EXOC4: variants seen among roughly 807,000 people sequenced by gnomAD.
EXOC4 encodes SEC8-like 1.
Under a neutral mutation model 107.2 loss-of-function variants are expected in EXOC4, and 71 were observed. The ratio of observed to expected loss-of-function variants is 0.66; its 90% CI spans 0.55 to 0.81. The LOEUF is 0.81. Among genes scored for constraint, EXOC4 ranks in the 30% least tolerant of loss-of-function variants. EXOC4 has a pLI of 0.00. For synonymous variants in EXOC4, 456 were observed against 441.2 expected, an observed-to-expected ratio of 1.03 and a Z score of -0.42; for missense variants, 1,108 against 1,189.6, an observed-to-expected ratio of 0.93 and a Z score of 1.01.
chr7:133,606,719 T>A (rs1170926832), intron 9 of EXOC4, among the ~76,000 whole-genome samples: 1 of 151,988 alleles, frequency 6.6e-6, no homozygotes, highest in Non-Finnish European at 1.5e-5. Flanking sequence ...TTTTACCATG[T>A]TGGCCAGGCT....
chr7:133,457,313 A>G (rs543131876), intron 7 of EXOC4, among the ~76,000 whole-genome samples: 18 of 152,288 alleles, frequency 1.2e-4, no homozygotes, highest in Non-Finnish European at 2.1e-4. Flanking sequence ...GAACACACAC[A>G]AAAAGACTCA....
chr7:133,930,890 TCA>T (rs771001817), intron 13 of EXOC4, among the ~76,000 whole-genome samples: 1 of 152,168 alleles, frequency 6.6e-6, no homozygotes, highest in Non-Finnish European at 1.5e-5. Context: ...CCTTGTGTAA[TCA>T]CCTAGTATAT....
At chr7:133,555,962 C>T (rs1328627119) in intron 9 of EXOC4, among the ~76,000 whole-genome samples, 1 of 152,160 alleles carries the variant, frequency 6.6e-6, no homozygotes, top group African/African-American at 2.4e-5. Flanking sequence ...TAAGTTGTTG[C>T]AGTGCAGCTT....
chr7:133,506,993 T>C (rs939514908), intron 9 of EXOC4, among the ~76,000 whole-genome samples: 4 of 152,080 alleles, frequency 2.6e-5, no homozygotes, highest in African/African-American at 9.7e-5. Flanking sequence ...TTCCTCCTAG[T>C]CAGACATTTA....
chr7:133,352,506 C>T (rs1268050461), intron 5 of EXOC4, among the ~76,000 whole-genome samples: 2 of 151,822 alleles, frequency 1.3e-5, no homozygotes, highest in African/African-American at 2.4e-5. Flanking sequence ...CTTTTTCCAG[C>T]CTTTTACTTT....
chr7:133,650,690 G>T (rs1254471598), intron 10 of EXOC4, among the ~76,000 whole-genome samples: 1 of 152,008 alleles, frequency 6.6e-6, no homozygotes, highest in Non-Finnish European at 1.5e-5. Flanking sequence ...AATAATCCTG[G>T]CCGACTTCGT....
chr7:133,685,236 G>A (rs1006722812), intron 10 of EXOC4, among the ~76,000 whole-genome samples: 1 of 152,106 alleles, frequency 6.6e-6, no homozygotes, highest in African/African-American at 2.4e-5. Context: ...ACGTGTTAAG[G>A]GAGAGACCAG....
At chr7:133,767,255 C>T (rs909188183) in intron 10 of EXOC4, among the ~76,000 whole-genome samples, 2 of 151,886 alleles carry the variant, frequency 1.3e-5, no homozygotes, top group Non-Finnish European at 2.9e-5. Flanking sequence ...TGGCTCCAGA[C>T]AGAAACGAGT....
chr7:133,857,985 C>T (rs940335810), intron 11 of EXOC4, among the ~76,000 whole-genome samples: 1 of 152,292 alleles, frequency 6.6e-6, no homozygotes, highest in East Asian at 1.9e-4. Flanking sequence ...CGCCCAACAC[C>T]AGCGGAGGGC....
chr7:133,343,488 G>C (rs1795712980), intron 5 of EXOC4, among the ~76,000 whole-genome samples: 1 of 151,962 alleles, frequency 6.6e-6, no homozygotes. Flanking sequence ...TGTTGCCTAA[G>C]CTGAATTTGA....
intron 11 of EXOC4, among the ~76,000 whole-genome samples, chr7:133,875,965 A>G (rs1255192034): frequency 1.3e-5 from 2 of 152,210 alleles, no homozygotes; most frequent in African/African-American, 4.8e-5. Context: ...CAGTCATAAC[A>G]GTATAAACTG....
chr7:133,623,675 T>A (rs1802385812), intron 9 of EXOC4, among the ~76,000 whole-genome samples: 1 of 152,200 alleles, frequency 6.6e-6, no homozygotes, highest in Admixed American at 6.5e-5. Flanking sequence ...CAGCTCACCC[T>A]TGGGTAATAC....
intron 12 of EXOC4, among the ~76,000 whole-genome samples, chr7:133,910,410 C>G (rs895065125): frequency 2.6e-5 from 4 of 152,114 alleles, no homozygotes; most frequent in African/African-American, 9.7e-5. Context: ...TTCCCTTGGT[C>G]CTCTTGGATG....
At chr7:133,970,111 A>G (rs1801168060) in intron 14 of EXOC4, among the ~76,000 whole-genome samples, 1 of 152,146 alleles carries the variant, frequency 6.6e-6, no homozygotes, top group African/African-American at 2.4e-5. Context: ...GTCTCCGTCC[A>G]GTTCAAACTT....
chr7:133,966,668 A>G (rs1215458440), intron 14 of EXOC4, among the ~76,000 whole-genome samples: 2 of 152,184 alleles, frequency 1.3e-5, no homozygotes, highest in Non-Finnish European at 2.9e-5. Flanking sequence ...CATCCCAGGG[A>G]TGAAGCCAAC....
chr7:133,421,764 A>T (rs78341021), intron 7 of EXOC4, among the ~76,000 whole-genome samples: 3 of 152,198 alleles, frequency 2.0e-5, no homozygotes, highest in Non-Finnish European at 4.4e-5. Flanking sequence ...GTACTTAAAA[A>T]TTTTTAAAAA....
chr7:133,649,057 G>A (rs1162257407), intron 10 of EXOC4, among the ~76,000 whole-genome samples: 2 of 152,090 alleles, frequency 1.3e-5, no homozygotes, highest in South Asian at 2.1e-4. Context: ...CTCATACAGG[G>A]AAAAGTCACC....
intron 7 of EXOC4, among the ~76,000 whole-genome samples, chr7:133,409,723 C>T (rs892560572): frequency 3.9e-5 from 6 of 152,038 alleles, no homozygotes; most frequent in African/African-American, 9.7e-5. Context: ...TAATTGCCCT[C>T]GGGATCTGGT....
chr7:133,257,988 T>G (rs1394583527), intron 1 of EXOC4, among the ~76,000 whole-genome samples: 1 of 152,228 alleles, frequency 6.6e-6, no homozygotes, highest in Non-Finnish European at 1.5e-5. Flanking sequence ...CACTCTGTTC[T>G]GAGCCGAGTC....
Sources: allele counts gnomAD v4.1 joint callset (sites outside exome capture counted in the v4.1 genomes callset), GRCh38; gene constraint gnomAD v4.1.1; transcripts MANE v1.5; gene names NCBI Gene and HGNC (gene_info 2026-07-23, HGNC 2026-07-21).